TANC2: variants seen among roughly 807,000 people sequenced by gnomAD.
TANC2 encodes tetratricopeptide repeat, ankyrin repeat and coiled-coil containing 2.
Under a neutral mutation model 210.5 loss-of-function variants are expected in TANC2, and 26 were observed. The ratio of observed to expected loss-of-function variants is 0.12; its 90% CI spans 0.09 to 0.17. The LOEUF (loss-of-function observed/expected upper bound fraction) is 0.17, where lower values mean the gene tolerates loss of function less well. Among genes scored for constraint, TANC2 ranks in the 10% least tolerant of loss-of-function variants. The pLI, the probability that TANC2 is intolerant of heterozygous loss-of-function variation, is 1.00. For synonymous variants in TANC2, 931 were observed against 967.1 expected (o/e 0.96, Z 0.69); for missense variants, 2,129 against 2,608.9 (o/e 0.82, Z 4.01).
At chr17:63,340,309 A>G (rs1245874300) in exon 12 of TANC2, 1 of 1,613,772 alleles carries the variant, frequency 6.2e-7, no homozygotes, top group Non-Finnish European at 8.5e-7. Flanking sequence ...GGAGTTCTGG[A>G]GCCACTAGAA....
At chr17:63,218,998 TTGAAA>T (rs2042097280) in intron 7 of TANC2, among the ~76,000 whole-genome samples, 1 of 151,962 alleles carries the variant, frequency 6.6e-6, no homozygotes, top group African/African-American at 2.4e-5. Flanking sequence ...AAAATGGAAA[TTGAAA>T]TAAAAGGGTC....
chr17:63,423,904 T>G (rs1568012391), exon 28 of TANC2: 1 of 152,270 alleles, frequency 6.6e-6, no homozygotes, highest in Non-Finnish European at 1.5e-5. Flanking sequence ...ATCAGCGTCC[T>G]CTCTCCATCT....
At chr17:63,283,686 A>G (rs979745163) in intron 9 of TANC2, among the ~76,000 whole-genome samples, 5 of 152,090 alleles carry the variant, frequency 3.3e-5, no homozygotes, top group East Asian at 3.9e-4. Flanking sequence ...CTAGCTTTCA[A>G]TGTATAAATG....
At position 62,986,382 on chromosome 17, in the gene TANC2, G is replaced by C. The variant is rs564909674; in HGVS notation, c.-24+19633G>C. Among the ~76,000 whole-genome samples, 12 of 152,304 alleles carry C rather than the reference G, an allele frequency of 7.9e-5. 1 individual carries two copies. In the South Asian group the frequency reaches 2.5e-3, roughly 32 times the overall value. On this transcript the variant is annotated intron_variant, in intron 1 of 27. Coordinates refer to ENST00000689528, the Ensembl canonical transcript of TANC2. ...AGCAGCCTTCAGGGTTATTTCTCAT[G>C]CCCAGGATGCAAGCACACACCTGCT...
chr17:62,979,438 ACTC>A (rs1450533611), intron 1 of TANC2, among the ~76,000 whole-genome samples: 1 of 151,764 alleles, frequency 6.6e-6, no homozygotes, highest in Admixed American at 6.6e-5. Flanking sequence ...GGGATATTCT[ACTC>A]CTATTCTCTC....
At chr17:62,996,059 C>A (rs1266775323) in intron 1 of TANC2, among the ~76,000 whole-genome samples, 1 of 152,184 alleles carries the variant, frequency 6.6e-6, no homozygotes, top group African/African-American at 2.4e-5. Context: ...AAAAAACATG[C>A]AATTTCCAGA....
At position 63,412,200 on chromosome 17, in the gene TANC2, C is replaced by A; in HGVS notation, c.3898+70C>A. The A allele has an allele frequency of 6.2e-7, 1 of 1,604,726 alleles. No homozygotes were observed. The highest frequency in any genetic ancestry group is 8.5e-7 in the Non-Finnish European group (1 of 1,174,196). On this transcript the variant is annotated intron_variant, in intron 23 of 27. Transcript: ENST00000689528. This position sits in a 1 kb window ranked among gnomAD's most constrained non-coding sequence, Gnocchi z 4.2. ...AGACTGGTCCAGTGGTCTGGCTGCC[C>A]TGGGTATTTGGTGTGAGTGTATATA...
intron 5 of TANC2, among the ~76,000 whole-genome samples, chr17:63,175,795 A>T (rs2040559438): frequency 6.6e-6 from 1 of 152,238 alleles, no homozygotes; most frequent in Non-Finnish European, 1.5e-5. Context: ...CAAAATAAAT[A>T]AACCCTTACT....
intron 3 of TANC2, among the ~76,000 whole-genome samples, chr17:63,096,085 A>C (rs1272027378): frequency 6.6e-6 from 1 of 152,158 alleles, no homozygotes; most frequent in Non-Finnish European, 1.5e-5. Flanking sequence ...GAATTACACT[A>C]ATGGCATGCC....
chr17:63,022,857 G>T (rs571313758), intron 2 of TANC2, among the ~76,000 whole-genome samples: 11 of 152,282 alleles, frequency 7.2e-5, no homozygotes, highest in African/African-American at 2.6e-4. Context: ...CTCTCCAAAA[G>T]GTACATGCCA....
At chr17:62,997,360 G>C (rs1237590181) in intron 1 of TANC2, among the ~76,000 whole-genome samples, 1 of 152,114 alleles carries the variant, frequency 6.6e-6, no homozygotes, top group Non-Finnish European at 1.5e-5. Flanking sequence ...TATTGGAAGT[G>C]TTTATTAAAT....
chr17:63,197,112 T>G (rs1274322846), intron 6 of TANC2, among the ~76,000 whole-genome samples: 2 of 152,168 alleles, frequency 1.3e-5, no homozygotes, highest in Non-Finnish European at 2.9e-5. Flanking sequence ...TGCAGTATAG[T>G]TAGTATATAA....
At position 63,178,074 on chromosome 17, in the gene TANC2, G is replaced by A. The variant is rs533502792; in HGVS notation, c.434-15917G>A. On this transcript the variant is annotated intron_variant, in intron 5 of 27. Coordinates refer to ENST00000689528, the Ensembl canonical transcript of TANC2. The stretch of plus-strand genomic sequence containing the variant: ...GGGCCAGGTGCGGTGGCTCACGCCC[G>A]TAATCCCAGCACTTTGGGAGGCCAA... Among the ~76,000 whole-genome samples the A allele has an allele frequency of 3.9e-5, 6 of 152,320 alleles. No homozygotes were observed. The South Asian group carries it at 1.0e-3, about 26-fold the overall frequency.
intron 4 of TANC2, among the ~76,000 whole-genome samples, chr17:63,117,628 T>C (rs915185823): frequency 9.9e-5 from 15 of 152,228 alleles, no homozygotes; most frequent in African/African-American, 3.1e-4. Context: ...CGTAAAGAGC[T>C]GGCTGGAGAT....
At chr17:62,976,508 A>G (rs1203385709) in intron 1 of TANC2, among the ~76,000 whole-genome samples, 1 of 150,866 alleles carries the variant, frequency 6.6e-6, no homozygotes, top group Non-Finnish European at 1.5e-5. Flanking sequence ...TTATCTATTT[A>G]CAGTGTAAAA....
chr17:63,028,430 G>A lies in TANC2; in HGVS notation c.67+18804G>A, dbSNP rs188382448. 1.6e-3 allele frequency among the ~76,000 whole-genome samples: 245 copies of A among 152,234 alleles called. 1 individual carries two copies. The highest frequency in any genetic ancestry group is 5.7e-3 in the African/African-American group (238 of 41,558). On this transcript the variant is annotated intron_variant, in intron 2 of 27. Coordinates refer to ENST00000689528, the Ensembl canonical transcript of TANC2. The stretch of plus-strand genomic sequence containing the variant: ...GGGAAATGATGACCTAGACATATAT[G>A]TACTAAGTTGGACAAAGAGTAGTAA...
At chr17:63,028,399 T>A (rs2034638307) in intron 2 of TANC2, among the ~76,000 whole-genome samples, 1 of 152,112 alleles carries the variant, frequency 6.6e-6, no homozygotes, top group Non-Finnish European at 1.5e-5. Flanking sequence ...CATGTATGCC[T>A]CCACAGGGAA....
At chr17:63,032,382 T>C (rs1009145074) in intron 2 of TANC2, among the ~76,000 whole-genome samples, 15 of 152,080 alleles carry the variant, frequency 9.9e-5, no homozygotes, top group African/African-American at 3.1e-4. Context: ...GCAAATCATC[T>C]ATGGTAGAGG....
chr17:63,009,312 A>G (rs2033763164), intron 1 of TANC2, among the ~76,000 whole-genome samples: 1 of 151,694 alleles, frequency 6.6e-6, no homozygotes, highest in African/African-American at 2.4e-5. Context: ...AGGTGTATAT[A>G]TTTATGGGGT....
Sources: allele counts gnomAD v4.1 joint callset (sites outside exome capture counted in the v4.1 genomes callset), GRCh38; gene constraint gnomAD v4.1.1; non-coding constraint Gnocchi (gnomAD v3.1); transcripts MANE v1.5; gene names NCBI Gene and HGNC (gene_info 2026-07-23, HGNC 2026-07-21).